ZSCAN4: variants seen among roughly 807,000 people sequenced by gnomAD.
ZSCAN4 encodes the protein zinc finger and SCAN domain-containing protein 4.
ZSCAN4 carries 18 observed loss-of-function variants against 18.3 expected under a neutral mutation model. The ratio of observed to expected loss-of-function variants is 0.98; its 90% CI spans 0.68 to 1.46. The LOEUF (loss-of-function observed/expected upper bound fraction) is 1.46, where lower values mean the gene tolerates loss of function less well. ZSCAN4 is among the 40% of genes most tolerant of loss of function. The pLI, the probability that ZSCAN4 is intolerant of heterozygous loss-of-function variation, is 0.00. For synonymous variants in ZSCAN4, 193 were observed against 180.3 expected, an observed-to-expected ratio of 1.07 and a Z score of -0.57; for missense variants, 498 against 511.4, an observed-to-expected ratio of 0.97 and a Z score of 0.25.
the ZSCAN4 span, among the ~76,000 whole-genome samples, chr19:57,660,157 G>C: frequency 1.9e-3 from 291 of 152,280 alleles, no homozygotes; most frequent in African/African-American, 6.7e-3. Context: ...TTTCAAGTAA[G>C]TTTCAGGTCC....
At chr19:57,670,724 G>C (rs936602869) in intron 2 of ZSCAN4, among the ~76,000 whole-genome samples, 157 bp downstream of exon 2, 8 of 152,146 alleles carry the variant, frequency 5.3e-5, no homozygotes, top group Non-Finnish European at 1.2e-4. Context: ...GAGATATGGG[G>C]GTCTCCCAGG....
the ZSCAN4 span, among the ~76,000 whole-genome samples, chr19:57,658,473 T>C: frequency 6.6e-6 from 1 of 152,200 alleles, no homozygotes; most frequent in Non-Finnish European, 1.5e-5. Flanking sequence ...CCTATTTGTA[T>C]TATACTGCAC....
At chr19:57,673,718 T>G (rs1984093030) in intron 2 of ZSCAN4, among the ~76,000 whole-genome samples, 1 of 152,162 alleles carries the variant, frequency 6.6e-6, no homozygotes, top group African/African-American at 2.4e-5. Context: ...TACTCTCAGT[T>G]TCTAATACTT....
chr19:57,667,913 T>C (rs1000576195), upstream of ZSCAN4, among the ~76,000 whole-genome samples: 2 of 152,044 alleles, frequency 1.3e-5, no homozygotes, highest in Non-Finnish European at 2.9e-5. Context: ...TTTGTTTGTT[T>C]GTTTTTGAGA....
chr19:57,659,333 T>G, the ZSCAN4 span, among the ~76,000 whole-genome samples: 7 of 152,214 alleles, frequency 4.6e-5, no homozygotes. Flanking sequence ...CTTTTTAATT[T>G]TGTGTGTTGA....
chr19:57,662,159 A>G, the ZSCAN4 span, among the ~76,000 whole-genome samples: 1 of 152,218 alleles, frequency 6.6e-6, no homozygotes, highest in East Asian at 1.9e-4. Context: ...TTTATGATAG[A>G]AAATAAAAGA....
upstream of ZSCAN4, chr19:57,664,250 A>G (rs1183599172): frequency 9.8e-6 from 1 of 102,350 alleles, no homozygotes; most frequent in African/African-American, 3.9e-5. Flanking sequence ...GATGAAAGTG[A>G]GGGGTCGGGG....
chr19:57,669,386 C>T (rs778107831), intron 1 of ZSCAN4, among the ~76,000 whole-genome samples, 183 bp downstream of exon 1: 3 of 149,956 alleles, frequency 2.0e-5, no homozygotes, highest in Non-Finnish European at 4.4e-5. Flanking sequence ...TTAATGTGGA[C>T]CTTGTTACAT....
chr19:57,657,887 G>C, the ZSCAN4 span, among the ~76,000 whole-genome samples: 3 of 152,166 alleles, frequency 2.0e-5, no homozygotes, highest in Non-Finnish European at 4.4e-5. Context: ...TGTAAATGCT[G>C]TTTAAATAGC....
Position 57,677,905 on chromosome 19 carries a change from T to A in ZSCAN4, c.397-9T>A, listed in dbSNP as rs1385897773. The A allele has an allele frequency of 6.6e-7, 1 of 1,520,232 alleles. No individual in the cohort carries two copies. The highest frequency in any genetic ancestry group is 8.8e-7 in the Non-Finnish European group (1 of 1,137,496). The allele number at this position is 1,520,232 out of a possible 1,614,324, so 94.2% of individuals were successfully genotyped here. On this transcript the variant is annotated splice_polypyrimidine_tract_variant and intron_variant, in intron 3 of 4. Coordinates refer to ENST00000318203, the Ensembl canonical transcript of ZSCAN4. Reference sequence around the variant, plus strand: ...TTCAGATACAACAGTGATCTGGCTTTCTTTACAGGTCCACGTCCACATGCA... The same window carrying A: ...TTCAGATACAACAGTGATCTGGCTTACTTTACAGGTCCACGTCCACATGCA...
In ZSCAN4 at chr19:57,678,031, G is replaced by A. The variant is rs1172742065; in HGVS notation, c.514G>A (p.Gly172Arg). 1.9e-6 allele frequency: 3 copies of A among 1,595,736 alleles called. No homozygotes were observed. The African/African-American group carries it at 4.1e-5, about 22-fold the overall frequency. Residue 172 changes from glycine (G) to arginine (R), a missense_variant, in exon 4 of 5, where the codon GGG becomes AGG. By Grantham distance (125) the Gly-to-Arg change is moderately radical. Transcript: ENST00000318203. ...CCAAACCACAAGAGAAGCAAACATG[G>A]GGACACCCTCCCAGACTTCCCAAGA...
chr19:57,675,531 CT>C (rs1296742311), intron 2 of ZSCAN4, among the ~76,000 whole-genome samples: 9 of 152,196 alleles, frequency 5.9e-5, no homozygotes, highest in African/African-American at 1.9e-4. Flanking sequence ...ATCCGCCCTC[CT>C]CGGCCTCCCA....
chr19:57,668,694 G>A (rs527869092), upstream of ZSCAN4, among the ~76,000 whole-genome samples: 4 of 152,264 alleles, frequency 2.6e-5, no homozygotes, highest in South Asian at 8.3e-4. Flanking sequence ...GTGACCAGGC[G>A]CTTCTCACCA....
the ZSCAN4 span, among the ~76,000 whole-genome samples, chr19:57,658,710 T>C: frequency 6.6e-6 from 1 of 151,772 alleles, no homozygotes; most frequent in African/African-American, 2.4e-5. Context: ...GGCACGTGCC[T>C]GTAATCCCAG....
the ZSCAN4 span, among the ~76,000 whole-genome samples, chr19:57,653,638 C>T: frequency 0.01 from 1,584 of 152,154 alleles, 15 homozygotes; most frequent in Non-Finnish European, 0.015. Flanking sequence ...GAGGAAGAAC[C>T]GAAAACCCAA....
At chr19:57,668,537 T>C (rs1426194563), upstream of ZSCAN4, among the ~76,000 whole-genome samples, 2 of 152,150 alleles carry the variant, frequency 1.3e-5, no homozygotes, top group African/African-American at 4.8e-5. Context: ...AGAGGCTGCA[T>C]GCCTGATGGA....
chr19:57,662,084 A>AC, the ZSCAN4 span, among the ~76,000 whole-genome samples: 1 of 151,568 alleles, frequency 6.6e-6, no homozygotes, highest in South Asian at 2.1e-4. Flanking sequence ...CTGTCTCAAA[A>AC]AAAAAAAAAG....
chr19:57,667,054 G>A (rs901532911), upstream of ZSCAN4, among the ~76,000 whole-genome samples: 7 of 152,142 alleles, frequency 4.6e-5, no homozygotes, highest in Admixed American at 4.6e-4. Flanking sequence ...ATGTAAACGG[G>A]TCATCTATTT....
chr19:57,678,589 C>T (rs553085243), exon 5 of ZSCAN4: 1 of 1,614,048 alleles, frequency 6.2e-7, no homozygotes, highest in African/African-American at 1.3e-5. Context: ...CACTTATTAG[C>T]TCACCAGAGA....
Sources: allele counts gnomAD v4.1 joint callset (sites outside exome capture counted in the v4.1 genomes callset), GRCh38; gene constraint gnomAD v4.1.1; transcripts MANE v1.5; gene names NCBI Gene and HGNC (gene_info 2026-07-23, HGNC 2026-07-21).